PHACTR1: variants seen among roughly 807,000 people sequenced by gnomAD.
PHACTR1 encodes the protein phosphatase and actin regulator 1.
PHACTR1 carries 16 observed loss-of-function variants against 69.2 expected under a neutral mutation model. The observed-to-expected ratio is 0.23, with a 90% CI of 0.16 to 0.35. The LOEUF (loss-of-function observed/expected upper bound fraction) is 0.35. Among genes scored for constraint, PHACTR1 ranks in the 10% least tolerant of loss-of-function variants. PHACTR1 has a pLI of 1.00. For synonymous variants in PHACTR1, 312 were observed against 284.5 expected (o/e 1.10, Z -0.97); for missense variants, 510 against 734.7 (o/e 0.69, Z 3.54).
At chr6:12,783,992 A>G (rs1771158229) in intron 4 of PHACTR1, among the ~76,000 whole-genome samples, 1 of 152,110 alleles carries the variant, frequency 6.6e-6, no homozygotes, top group Non-Finnish European at 1.5e-5. Flanking sequence ...ACATATATCT[A>G]TACACATACA....
intron 4 of PHACTR1, among the ~76,000 whole-genome samples, chr6:12,822,904 G>A (rs111563422): frequency 0.011 from 1,614 of 152,268 alleles, 13 homozygotes; most frequent in Non-Finnish European, 0.016. Context: ...GGACAATGCC[G>A]TTTGATTTTA....
chr6:13,159,336 G>A (rs750370365), intron 5 of PHACTR1, among the ~76,000 whole-genome samples: 12 of 152,262 alleles, frequency 7.9e-5, no homozygotes, highest in South Asian at 2.1e-4. Flanking sequence ...TATCACCTCC[G>A]GACCTTGGGA....
intron 4 of PHACTR1, among the ~76,000 whole-genome samples, chr6:12,970,616 C>T (rs1794082070): frequency 6.6e-6 from 1 of 152,094 alleles, no homozygotes; most frequent in Non-Finnish European, 1.5e-5. Flanking sequence ...ATTAGCCAGG[C>T]GTGGTGGTGT....
chr6:13,158,075 T>G (rs184241994), intron 5 of PHACTR1, among the ~76,000 whole-genome samples: 258 of 152,006 alleles, frequency 1.7e-3, no homozygotes, highest in African/African-American at 5.9e-3. Context: ...AGAGATGGGG[T>G]TTCACCATGT....
intron 10 of PHACTR1, among the ~76,000 whole-genome samples, chr6:13,248,273 C>CA (rs1461836983): frequency 6.6e-6 from 1 of 152,182 alleles, no homozygotes; most frequent in African/African-American, 2.4e-5. Flanking sequence ...AGGCAGCTCC[C>CA]AGGAGGAAAC....
At chr6:13,000,674 GAA>G in intron 4 of PHACTR1, among the ~76,000 whole-genome samples, 1 of 147,698 alleles carries the variant, frequency 6.8e-6, no homozygotes, top group African/African-American at 2.6e-5. Flanking sequence ...AGGAAGGAAG[GAA>G]GGAAGGAAGG....
chr6:12,966,315 A>G (rs182276035), intron 4 of PHACTR1, among the ~76,000 whole-genome samples: 16 of 152,328 alleles, frequency 1.1e-4, no homozygotes, highest in East Asian at 7.7e-4. Flanking sequence ...TCACGACCCT[A>G]TAAGAGAGAA....
chr6:13,262,181 T>C (rs961752145), intron 10 of PHACTR1, among the ~76,000 whole-genome samples: 2 of 151,934 alleles, frequency 1.3e-5, no homozygotes, highest in African/African-American at 4.8e-5. Context: ...GAATCAGAGA[T>C]GGTTTGGATA....
At chr6:12,944,787 A>ATTATTT (rs1222965884) in intron 4 of PHACTR1, among the ~76,000 whole-genome samples, 9 of 116,340 alleles carry the variant, frequency 7.7e-5, no homozygotes, top group African/African-American at 2.6e-4. Context: ...ATTTTTATTT[A>ATTATTT]TTTTTTTTTT....
intron 4 of PHACTR1, among the ~76,000 whole-genome samples, chr6:12,755,823 C>T (rs570262849): frequency 6.6e-6 from 1 of 152,120 alleles, no homozygotes; most frequent in Non-Finnish European, 1.5e-5. Flanking sequence ...ATCTATATTT[C>T]CCCTTTACCC....
At chr6:13,152,277 T>A (rs1302586416) in intron 5 of PHACTR1, among the ~76,000 whole-genome samples, 1 of 151,524 alleles carries the variant, frequency 6.6e-6, no homozygotes, top group Admixed American at 6.6e-5. Flanking sequence ...GAGGTGGCAG[T>A]GTGTCAAGAT....
At position 12,928,749 on chromosome 6, in the gene PHACTR1, C is replaced by T. The variant is rs987413014; in HGVS notation, c.251-124616C>T. Among the ~76,000 whole-genome samples, 8 of 152,130 alleles carry T rather than the reference C, an allele frequency of 5.3e-5. No homozygotes were observed. The South Asian group carries it at 1.5e-3, about 28-fold the overall frequency. On this transcript the variant is annotated intron_variant, in intron 4 of 14. Coordinates refer to ENST00000332995, the MANE Select transcript of PHACTR1 (RefSeq NM_030948.6). ...CATATTCTCAAAGGGAGAGCCCAGC[C>T]CCCTGGGCAAGGCAGATAGGTGGAC...
At chr6:12,940,514 G>T (rs923537557) in intron 4 of PHACTR1, among the ~76,000 whole-genome samples, 2 of 152,200 alleles carry the variant, frequency 1.3e-5, no homozygotes, top group Non-Finnish European at 2.9e-5. Flanking sequence ...GTTTGCCCCA[G>T]AAGTCAGTTG....
intron 5 of PHACTR1, among the ~76,000 whole-genome samples, chr6:13,156,217 AAGT>A (rs1331752434): frequency 6.6e-6 from 1 of 152,156 alleles, no homozygotes; most frequent in Admixed American, 6.5e-5. Context: ...AGATTAAGTT[AAGT>A]AACAATTTTT....
chr6:13,003,530 AT>A (rs903098443), intron 4 of PHACTR1, among the ~76,000 whole-genome samples: 1 of 151,576 alleles, frequency 6.6e-6, no homozygotes, highest in Non-Finnish European at 1.5e-5. Context: ...TCTTCCAGGA[AT>A]TTTTTTTTCT....
chr6:12,812,800 A>G (rs1257958495), intron 4 of PHACTR1, among the ~76,000 whole-genome samples: 1 of 152,224 alleles, frequency 6.6e-6, no homozygotes, highest in Non-Finnish European at 1.5e-5. Flanking sequence ...AGAGAGACTT[A>G]TTACAGAAAT....
Position 13,287,156 on chromosome 6 carries a change from C to T in PHACTR1, c.*78C>T. The T allele has an allele frequency of 7.5e-7, 1 of 1,331,634 alleles. No individual in the cohort carries two copies. The highest frequency in any genetic ancestry group is 1.0e-6 in the Non-Finnish European group (1 of 952,418). The allele number at this position is 1,331,634 out of a possible 1,614,324, so 82.5% of individuals were successfully genotyped here. ...AACCATAAGTGCTGGTATTTATTCA[C>T]TTCCCCATTACGATGTAAATCTTCT... On this transcript the variant is annotated 3_prime_UTR_variant, in exon 15 of 15. Coordinates refer to ENST00000332995, the MANE Select transcript of PHACTR1 (RefSeq NM_030948.6).
chr6:13,212,274 A>G (rs1347148416), intron 8 of PHACTR1, among the ~76,000 whole-genome samples: 1 of 152,192 alleles, frequency 6.6e-6, no homozygotes, highest in Non-Finnish European at 1.5e-5. Flanking sequence ...CTCAGCTCTT[A>G]ACAATGTCTG....
At chr6:13,251,390 G>A (rs1774380920) in intron 10 of PHACTR1, among the ~76,000 whole-genome samples, 1 of 152,218 alleles carries the variant, frequency 6.6e-6, no homozygotes, top group South Asian at 2.1e-4. Flanking sequence ...GGTCACGGGT[G>A]CAGGGCTGCA....
Sources: allele counts gnomAD v4.1 joint callset (sites outside exome capture counted in the v4.1 genomes callset), GRCh38; gene constraint gnomAD v4.1.1; transcripts MANE v1.5; gene names NCBI Gene and HGNC (gene_info 2026-07-23, HGNC 2026-07-21).